The following CPM variants were observed in gnomAD, a reference collection of about 807,000 sequenced individuals.
The protein encoded by CPM is renal carboxypeptidase.
A neutral mutation model predicts 46.4 loss-of-function variants in CPM; 35 were observed. That is an observed-to-expected ratio of 0.75 (90% CI 0.58 to 1.00). The LOEUF is 1.00. Among genes scored for constraint, CPM ranks in the 50% least tolerant of loss-of-function variants. CPM has a pLI of 0.00. For missense variants in CPM, 422 were observed against 530.4 expected, an observed-to-expected ratio of 0.80 and a Z score of 2.01; for synonymous variants, 195 against 195.3, an observed-to-expected ratio of 1.00 and a Z score of 0.01.
chr12:68,880,437 C>T (rs1886139518), intron 3 of CPM, among the ~76,000 whole-genome samples: 1 of 152,116 alleles, frequency 6.6e-6, no homozygotes, highest in African/African-American at 2.4e-5. Context: ...ATACTTATTC[C>T]AGTGTTGCCC....
At chr12:68,887,688 T>C (rs1886489430) in intron 2 of CPM, among the ~76,000 whole-genome samples, 1 of 152,200 alleles carries the variant, frequency 6.6e-6, no homozygotes, top group South Asian at 2.1e-4. Context: ...CTATGCCCAA[T>C]GAATTTCTGA....
intron 5 of CPM, chr12:68,845,893 A>T (rs1884254299): frequency 6.6e-6 from 1 of 152,510 alleles, no homozygotes; most frequent in East Asian, 1.9e-4. Flanking sequence ...CCTCCCAAGT[A>T]GCTGGGGACC....
chr12:68,880,020 C>T (rs1192667520), intron 3 of CPM, among the ~76,000 whole-genome samples: 1 of 152,012 alleles, frequency 6.6e-6, no homozygotes, highest in Non-Finnish European at 1.5e-5. Context: ...GACAAGGATC[C>T]TGTTCCCAGG....
chr12:68,886,900 C>G (rs1286464311), intron 2 of CPM, among the ~76,000 whole-genome samples: 1 of 152,226 alleles, frequency 6.6e-6, no homozygotes, highest in Non-Finnish European at 1.5e-5. Context: ...ATGTGTGCTG[C>G]TCTGGCTCAG....
chr12:68,904,402 A>C (rs570404356), intron 2 of CPM, among the ~76,000 whole-genome samples: 3 of 152,288 alleles, frequency 2.0e-5, no homozygotes, highest in East Asian at 3.9e-4. Flanking sequence ...CCTTTCTGAT[A>C]ATGTGCATCT....
chr12:68,871,311 G>C (rs530815830), intron 4 of CPM, among the ~76,000 whole-genome samples: 5 of 152,294 alleles, frequency 3.3e-5, no homozygotes, highest in East Asian at 3.9e-4. Context: ...GCAGTGTAGT[G>C]GGGGGAGAGA....
At chr12:68,844,407 G>A (rs904037562) in intron 5 of CPM, 2 of 227,060 alleles carry the variant, frequency 8.8e-6, no homozygotes, top group African/African-American at 4.4e-5. Flanking sequence ...AAGTTAGTAG[G>A]AGTAAGAAAT....
chr12:68,885,887 TACCTTTACAGG>T lies in CPM; in HGVS notation c.161-9_162del. The T allele has an allele frequency of 6.2e-7, 1 of 1,612,640 alleles. No individual in the cohort carries two copies. The highest frequency in any genetic ancestry group is 8.5e-7 in the Non-Finnish European group (1 of 1,179,374). On this transcript the variant is annotated splice_acceptor_variant and splice_polypyrimidine_tract_variant and coding_sequence_variant and intron_variant, in exon 3 of 9. Coordinates refer to ENST00000551568, the MANE Select transcript of CPM (RefSeq NM_198320.5). LOFTEE classifies it high-confidence loss of function. ...CCCACAACAAGAACCCACAGGTTTC[TACCTTTACAGG>T]AAAAGAAGAAAAGATGGAAAAGTAA...
intron 2 of CPM, among the ~76,000 whole-genome samples, chr12:68,923,477 C>T (rs1278718921): frequency 1.3e-5 from 2 of 152,128 alleles, no homozygotes; most frequent in Non-Finnish European, 2.9e-5. Context: ...CTTAACAGCT[C>T]TCTTTGTGCT....
At chr12:68,931,744 C>CAAAAAAAA (rs1230893187) in intron 2 of CPM, among the ~76,000 whole-genome samples, 62 of 35,888 alleles carry the variant, frequency 1.7e-3, no homozygotes, top group Non-Finnish European at 2.7e-3. Context: ...AGACTCTGAC[C>CAAAAAAAA]AAAAAAAAAA....
chr12:68,891,181 C>T (rs578084672), intron 2 of CPM, among the ~76,000 whole-genome samples: 9 of 152,358 alleles, frequency 5.9e-5, no homozygotes, highest in South Asian at 4.1e-4. Flanking sequence ...ATCAATTTCA[C>T]GTATGCACAT....
chr12:68,889,924 A>G (rs1052090657), intron 2 of CPM, among the ~76,000 whole-genome samples: 1 of 152,202 alleles, frequency 6.6e-6, no homozygotes, highest in African/African-American at 2.4e-5. Flanking sequence ...CCTGGGTACA[A>G]CATAGCAGTT....
At chr12:68,860,703 A>G (rs1263777943) in intron 7 of CPM, among the ~76,000 whole-genome samples, 1 of 152,140 alleles carries the variant, frequency 6.6e-6, no homozygotes, top group Non-Finnish European at 1.5e-5. Context: ...TGTGACAGAA[A>G]GAACCTAGTC....
intron 1 of CPM, among the ~76,000 whole-genome samples, chr12:68,962,170 A>T (rs556642338): frequency 6.8e-6 from 1 of 148,088 alleles, no homozygotes; most frequent in African/African-American, 2.6e-5. Context: ...ACTGCACTCC[A>T]GCCTGGGCGA....
chr12:68,916,905 A>AG, intron 2 of CPM, among the ~76,000 whole-genome samples: 1 of 151,324 alleles, frequency 6.6e-6, no homozygotes, highest in South Asian at 2.1e-4. Flanking sequence ...AAAAAAAAAA[A>AG]AAGAGAGAGA....
intron 2 of CPM, among the ~76,000 whole-genome samples, chr12:68,915,012 T>C (rs1242639969): frequency 6.6e-6 from 1 of 152,208 alleles, no homozygotes; most frequent in Non-Finnish European, 1.5e-5. Context: ...CAATAAAGTA[T>C]ACAACTTTTA....
At chr12:68,919,539 G>A (rs1887949456) in intron 2 of CPM, among the ~76,000 whole-genome samples, 1 of 152,190 alleles carries the variant, frequency 6.6e-6, no homozygotes, top group African/African-American at 2.4e-5. Flanking sequence ...ATGTTTGGAA[G>A]TTTCTGCAAT....
In CPM at chr12:68,853,568, C is replaced by T. The variant is rs1251870502; in HGVS notation, c.*2869G>A. ...CTCCTGTAGCTCTTCATTCCTTTGT[C>T]GTTCTCACTCTCCATGCCAGTATGT... On this transcript the variant is annotated 3_prime_UTR_variant, in exon 9 of 9. Coordinates refer to ENST00000551568, the MANE Select transcript of CPM (RefSeq NM_198320.5). 6.6e-6 allele frequency: 1 copy of T among 152,076 alleles called. No homozygotes were observed. The highest frequency in any genetic ancestry group is 1.9e-4 in the East Asian group (1 of 5,186). 9.4% of individuals were successfully genotyped at this position (152,076 alleles called of 1,614,324 possible). A position where few individuals can be genotyped will look rare whatever the true frequency, so the allele number is the denominator to read the frequency against.
intron 7 of CPM, among the ~76,000 whole-genome samples, chr12:68,864,770 G>C (rs1364610147): frequency 1.3e-5 from 2 of 152,218 alleles, no homozygotes; most frequent in Admixed American, 1.3e-4. Context: ...CCAGCACTTT[G>C]GGAGGCTGAG....
Sources: allele counts gnomAD v4.1 joint callset (sites outside exome capture counted in the v4.1 genomes callset), GRCh38; gene constraint gnomAD v4.1.1; transcripts MANE v1.5; gene names NCBI Gene and HGNC (gene_info 2026-07-23, HGNC 2026-07-21).